INTU: variants seen among roughly 807,000 people sequenced by gnomAD.
INTU encodes the protein protein inturned.
In INTU, 68 loss-of-function variants were observed where a neutral mutation model predicts 100.5. The ratio of observed to expected loss-of-function variants is 0.68; its 90% CI spans 0.56 to 0.83. INTU has a LOEUF of 0.83. INTU is among the 40% of genes least tolerant of loss of function. INTU has a pLI of 0.00. For synonymous variants in INTU, 357 were observed against 395.7 expected, an observed-to-expected ratio of 0.90 and a Z score of 1.16; for missense variants, 1,071 against 1,114.7, an observed-to-expected ratio of 0.96 and a Z score of 0.56.
rs114340143 is a variant in INTU, at chr4:127,710,561, C to T, written c.2370-352C>T. Reference sequence around the variant, plus strand: ...GTTTATGGCTTATAGCTATCTGGGCCAGACACGAGCTGAATTATTTAATAC... The same window carrying T: ...GTTTATGGCTTATAGCTATCTGGGCTAGACACGAGCTGAATTATTTAATAC... On this transcript the variant is annotated intron_variant, in intron 13 of 15. Coordinates refer to ENST00000335251, the MANE Select transcript of INTU (RefSeq NM_015693.4). Among the ~76,000 whole-genome samples, 150 of 152,160 alleles carry T rather than the reference C, an allele frequency of 9.9e-4. 2 individuals are homozygous for T. Among genetic ancestry groups the T allele is most frequent in the African/African-American group, 3.4e-3 (142 of 41,522 alleles).
chr4:127,714,112 T>C lies in INTU; in HGVS notation c.2717+19T>C, dbSNP rs1173187738. The C allele has an allele frequency of 6.3e-7, 1 of 1,589,854 alleles. No individual in the cohort carries two copies. ...TAGTAGGGTAAGTGAGAAAAAAAAGTATTTGAAAGTAAAGTGTTAGAAAAG... is the reference window on the plus strand; with the variant it reads ...TAGTAGGGTAAGTGAGAAAAAAAAGCATTTGAAAGTAAAGTGTTAGAAAAG... On this transcript the variant is annotated intron_variant, in intron 15 of 15. Coordinates refer to ENST00000335251, the MANE Select transcript of INTU (RefSeq NM_015693.4).
rs1241402386 is a variant in INTU at position 127,724,915 on chromosome 4, G to C, written c.*8479G>C. 2 of 152,026 alleles carry C rather than the reference G, an allele frequency of 1.3e-5. No homozygotes were observed. The highest frequency in any genetic ancestry group is 1.3e-4 in the Admixed American group (2 of 15,272). The allele number at this position is 152,026 out of a possible 1,614,324, so 9.4% of individuals were successfully genotyped here. Reference sequence around the variant, plus strand: ...TTAAGTTGCAAACCACTACATATTTGTCCCATTAGTGACTAGTGGGCCTTA... The same window carrying C: ...TTAAGTTGCAAACCACTACATATTTCTCCCATTAGTGACTAGTGGGCCTTA... On this transcript the variant is annotated 3_prime_UTR_variant, in exon 16 of 16. Coordinates refer to ENST00000335251, the MANE Select transcript of INTU (RefSeq NM_015693.4).
At chr4:127,633,278 T>C (rs377700399) in intron 1 of INTU, 98 bp downstream of exon 1, 2 of 1,302,498 alleles carry the variant, frequency 1.5e-6, no homozygotes. Context: ...GTGGTTGGAA[T>C]CGAGTATTTG....
intron 2 of INTU, among the ~76,000 whole-genome samples, chr4:127,646,614 A>G (rs1727600873): frequency 6.6e-6 from 1 of 152,214 alleles, no homozygotes; most frequent in African/African-American, 2.4e-5. Flanking sequence ...CTACTTTCAT[A>G]AAAAGAAGCT....
Position 127,656,722 on chromosome 4 carries a change from G to A in INTU, c.768+1G>A. On this transcript the variant is annotated splice_donor_variant, in intron 3 of 15. Coordinates refer to ENST00000335251, the MANE Select transcript of INTU (RefSeq NM_015693.4). LOFTEE classifies it high-confidence loss of function. Reference sequence around the variant, plus strand: ...GTCTTGCATTCCTGGACCTATGCAGGTATGGACATTCTTTTTCTATATTTT... The same window carrying A: ...GTCTTGCATTCCTGGACCTATGCAGATATGGACATTCTTTTTCTATATTTT... 1 of 1,562,412 alleles carries A rather than the reference G, an allele frequency of 6.4e-7. No homozygotes were observed. Among genetic ancestry groups the A allele is most frequent in the East Asian group, 2.2e-5 (1 of 44,560 alleles).
chr4:127,692,670 C>G (rs181480450), intron 8 of INTU, among the ~76,000 whole-genome samples: 198 of 152,254 alleles, frequency 1.3e-3, no homozygotes, highest in Non-Finnish European at 2.6e-3. Flanking sequence ...AAGCCAATGT[C>G]TAGAAGGGTT....
intron 2 of INTU, among the ~76,000 whole-genome samples, chr4:127,648,591 A>G (rs1727692978): frequency 6.6e-6 from 1 of 152,214 alleles, no homozygotes. Flanking sequence ...GTTTTAGTTT[A>G]AAGTAACAAA....
At chr4:127,633,501 C>A (rs1225324657) in intron 1 of INTU, among the ~76,000 whole-genome samples, 2 of 152,104 alleles carry the variant, frequency 1.3e-5, no homozygotes, top group East Asian at 1.9e-4. Context: ...GTTCAAAAAA[C>A]TCTGTTTCGA....
intron 6 of INTU, 74 bp from the exon 7 acceptor site, chr4:127,684,335 G>A (rs935883547): frequency 3.7e-6 from 3 of 815,332 alleles, no homozygotes; most frequent in East Asian, 2.5e-5. Flanking sequence ...TAAAATTCAA[G>A]GATGATCTAC....
At chr4:127,644,434 T>A (rs1367545986) in intron 2 of INTU, among the ~76,000 whole-genome samples, 1 of 152,226 alleles carries the variant, frequency 6.6e-6, no homozygotes, top group Admixed American at 6.5e-5. Flanking sequence ...AAATATATAA[T>A]TTATGAATAA....
In INTU at chr4:127,669,121, T is replaced by A; in HGVS notation, c.1058T>A (p.Met353Lys). The A allele has an allele frequency of 1.3e-6, 2 of 1,543,246 alleles. No individual in the cohort carries two copies. Among genetic ancestry groups the A allele is most frequent in the South Asian group, 1.2e-5 (1 of 81,430 alleles). Residue 353 changes from methionine to lysine, a missense_variant, in exon 5 of 16, where the codon ATG becomes AAG. Met to Lys is a moderately conservative substitution (Grantham distance 95, BLOSUM62 -1). Coordinates refer to ENST00000335251, the MANE Select transcript of INTU (RefSeq NM_015693.4). Reference protein sequence around the residue: ...VRGIFLTLCDMLENVTGTQVT... With the variant: ...VRGIFLTLCDKLENVTGTQVT... ...GGGATTTTTCTCACACTCTGTGACA[T>A]GCTGGAAAACGTAACTGGGACACAA...
intron 13 of INTU, among the ~76,000 whole-genome samples, 162 bp downstream of exon 13, chr4:127,708,830 A>G (rs1730986820): frequency 1.3e-5 from 2 of 152,232 alleles, no homozygotes; most frequent in African/African-American, 4.8e-5. Context: ...TTACACATTT[A>G]GGAAAATGAC....
intron 7 of INTU, chr4:127,686,302 A>G (rs1457624369): frequency 6.6e-6 from 1 of 152,186 alleles, no homozygotes; most frequent in African/African-American, 2.4e-5. Flanking sequence ...AAAATCTCCA[A>G]TCTGTCCATT....
chr4:127,724,072 G>C lies in INTU; in HGVS notation c.*7636G>C, dbSNP rs922828046. 22 of 152,020 alleles carry C rather than the reference G, an allele frequency of 1.4e-4. No homozygotes were observed. Among genetic ancestry groups the C allele is most frequent in the African/African-American group, 5.3e-4 (22 of 41,398 alleles). 9.4% of individuals were successfully genotyped at this position (152,020 alleles called of 1,614,324 possible). ...AAATCTTTTTTTAAAGCTAAATCAT[G>C]TTAAAGACACTGAAAAAGTTAACTA... On this transcript the variant is annotated 3_prime_UTR_variant, in exon 16 of 16. Coordinates refer to ENST00000335251, the MANE Select transcript of INTU (RefSeq NM_015693.4).
chr4:127,685,276 A>T (rs531984573), intron 7 of INTU, among the ~76,000 whole-genome samples: 1 of 151,966 alleles, frequency 6.6e-6, no homozygotes, highest in East Asian at 1.9e-4. Context: ...TCTCTTAGTG[A>T]CTTTTGTTCT....
intron 11 of INTU, 68 bp from the exon 12 acceptor site, chr4:127,706,419 T>C: frequency 7.5e-7 from 1 of 1,338,516 alleles, no homozygotes. Flanking sequence ...TATAAGTTTA[T>C]ACATGCACAT....
chr4:127,685,081 A>G (rs913101134), intron 7 of INTU, among the ~76,000 whole-genome samples: 7 of 152,114 alleles, frequency 4.6e-5, no homozygotes, highest in African/African-American at 1.7e-4. Context: ...TAGAGACGGT[A>G]TTGACTGGTT....
At chr4:127,665,430 A>G (rs760108226) in intron 4 of INTU, among the ~76,000 whole-genome samples, 1 of 151,964 alleles carries the variant, frequency 6.6e-6, no homozygotes, top group Non-Finnish European at 1.5e-5. Flanking sequence ...CATATTTTAA[A>G]TATTTCTTTT....
rs566999710 is a variant in INTU at position 127,696,154 on chromosome 4, G to GT, written c.1450-3849dup. Among the ~76,000 whole-genome samples the GT allele has an allele frequency of 1.3e-3, 190 of 151,308 alleles. 1 individual carries two copies. The highest frequency in any genetic ancestry group is 3.4e-3 in the Middle Eastern group (1 of 292). On this transcript the variant is annotated intron_variant, in intron 8 of 15. Transcript: ENST00000335251. The stretch of plus-strand genomic sequence containing the variant: ...AAGATACTGGCCTGTCATTTTTTTT[G>GT]TTTTTTTCTTATAATGTCTTTGTCT...
Sources: gnomAD v4.1 joint callset for allele counts (sites outside exome capture counted in the v4.1 genomes callset) on GRCh38, gnomAD v4.1.1 for gene constraint, MANE v1.5 for transcripts, NCBI Gene and HGNC (gene_info 2026-07-23, HGNC 2026-07-21) for gene names.